The following ERC2 variants were observed in gnomAD, a reference collection of about 807,000 sequenced individuals.
ERC2 encodes ELKS/RAB6-interacting/CAST family member 2.
ERC2 carries 42 observed loss-of-function variants against 114.8 expected under a neutral mutation model. The observed-to-expected ratio is 0.37, with a 90% CI of 0.29 to 0.47. ERC2 has a LOEUF of 0.47. ERC2 is among the 20% of genes least tolerant of loss of function. The probability of loss-of-function intolerance (pLI) is 0.99; values close to 1 mark genes in which losing one functional copy is unlikely to be tolerated. For missense variants in ERC2, 939 were observed against 1,150.7 expected (o/e 0.82, Z 2.66); for synonymous variants, 454 against 425.5 (o/e 1.07, Z -0.82).
At chr3:56,112,460 CACACACAT>C (rs2079014976) in intron 6 of ERC2, among the ~76,000 whole-genome samples, 1 of 151,428 alleles carries the variant, frequency 6.6e-6, no homozygotes, top group Non-Finnish European at 1.5e-5. Context: ...CACACACACA[CACACACAT>C]TGGCACACAC....
At chr3:55,726,867 G>C (rs1426063283) in intron 15 of ERC2, among the ~76,000 whole-genome samples, 1 of 152,034 alleles carries the variant, frequency 6.6e-6, no homozygotes, top group Non-Finnish European at 1.5e-5. Flanking sequence ...GCCCAGAACT[G>C]GTAGGAAAAG....
intron 6 of ERC2, among the ~76,000 whole-genome samples, chr3:56,103,665 C>A (rs1487166811): frequency 6.6e-6 from 1 of 152,064 alleles, no homozygotes; most frequent in Non-Finnish European, 1.5e-5. Flanking sequence ...GTCTCCACAA[C>A]AAAGAATTAT....
chr3:56,191,821 A>C (rs1175303005), intron 3 of ERC2, among the ~76,000 whole-genome samples: 1 of 152,070 alleles, frequency 6.6e-6, no homozygotes, highest in Non-Finnish European at 1.5e-5. Context: ...CCCTTCAGTC[A>C]TGAACTCGGA....
At chr3:56,219,020 G>A (rs548812183) in intron 3 of ERC2, among the ~76,000 whole-genome samples, 3 of 152,104 alleles carry the variant, frequency 2.0e-5, no homozygotes, top group Non-Finnish European at 4.4e-5. Context: ...ATAGCATCAG[G>A]AGATATACCT....
chr3:56,288,931 A>G (rs2054901914), intron 3 of ERC2, among the ~76,000 whole-genome samples: 1 of 152,210 alleles, frequency 6.6e-6, no homozygotes, highest in African/African-American at 2.4e-5. Flanking sequence ...AGTAAATGAA[A>G]AGGCATGCCT....
At chr3:56,020,085 T>C (rs949883834) in intron 7 of ERC2, among the ~76,000 whole-genome samples, 1 of 152,086 alleles carries the variant, frequency 6.6e-6, no homozygotes, top group East Asian at 1.9e-4. Context: ...ATCCCAGTAG[T>C]AATGAGGAGG....
At chr3:55,661,093 C>T (rs1435822402) in intron 17 of ERC2, among the ~76,000 whole-genome samples, 1 of 152,180 alleles carries the variant, frequency 6.6e-6, no homozygotes, top group Non-Finnish European at 1.5e-5. Context: ...CTCGTCTGTG[C>T]ATTAGTTTTC....
intron 13 of ERC2, among the ~76,000 whole-genome samples, chr3:55,938,661 T>C (rs1172051134): frequency 1.3e-5 from 2 of 152,230 alleles, no homozygotes; most frequent in Non-Finnish European, 2.9e-5. Context: ...ATGTGCGGTT[T>C]TCTAATTTCT....
At chr3:56,460,964 C>CAAAAAAAAAAAAAA (rs35313545) in intron 1 of ERC2, among the ~76,000 whole-genome samples, 1 of 98,176 alleles carries the variant, frequency 1.0e-5, no homozygotes. Context: ...ACTAAAAATA[C>CAAAAAAAAAAAAAA]AAAAAAAAAA....
chr3:55,642,370 T>C (rs2060225378), intron 17 of ERC2, among the ~76,000 whole-genome samples: 1 of 149,084 alleles, frequency 6.7e-6, no homozygotes, highest in African/African-American at 2.5e-5. Context: ...AGTCTTGCTC[T>C]GTCGCCCAGG....
intron 4 of ERC2, among the ~76,000 whole-genome samples, chr3:56,167,161 T>C (rs1316450375): frequency 1.3e-5 from 2 of 152,162 alleles, no homozygotes; most frequent in Non-Finnish European, 2.9e-5. Flanking sequence ...TCTTCTTCTC[T>C]TATTTGATAT....
intron 14 of ERC2, among the ~76,000 whole-genome samples, chr3:55,804,322 C>A (rs1180862078): frequency 6.6e-6 from 1 of 152,038 alleles, no homozygotes; most frequent in East Asian, 1.9e-4. Flanking sequence ...TCCCATGTAC[C>A]CATTAAACAC....
At chr3:55,764,277 C>A (rs1370111679) in intron 14 of ERC2, among the ~76,000 whole-genome samples, 6 of 152,162 alleles carry the variant, frequency 3.9e-5, no homozygotes, top group Non-Finnish European at 7.4e-5. Flanking sequence ...AATTACTTGC[C>A]CCATTTTTAA....
intron 14 of ERC2, among the ~76,000 whole-genome samples, chr3:55,866,539 T>C (rs1265447448): frequency 2.0e-5 from 3 of 152,180 alleles, no homozygotes; most frequent in African/African-American, 7.2e-5. Context: ...CAGCTTTATA[T>C]AACCCAAGTT....
At chr3:56,158,169 T>G (rs2081841693) in intron 4 of ERC2, among the ~76,000 whole-genome samples, 1 of 152,158 alleles carries the variant, frequency 6.6e-6, no homozygotes, top group Non-Finnish European at 1.5e-5. Context: ...GCAGAATTTT[T>G]AAAGTAGGAC....
rs2063378648 is a variant in ERC2, at chr3:55,887,031, C to CATTTTG, written c.2564+1357_2564+1358insCAAAAT. 7.9e-5 allele frequency among the ~76,000 whole-genome samples: 12 copies of CATTTTG among 152,292 alleles called. 1 individual carries two copies. The South Asian group carries it at 2.5e-3, about 32-fold the overall frequency. Reference sequence around the variant, plus strand: ...CTTGTCTGCATAATGACTACAGTGACTCAAACAGACAAAAGTTCTAGTCTT... The same window carrying CATTTTG: ...CTTGTCTGCATAATGACTACAGTGACATTTTGTCAAACAGACAAAAGTTCTAGTCTT... On this transcript the variant is annotated intron_variant, in intron 14 of 17. Coordinates refer to ENST00000288221, the MANE Select transcript of ERC2 (RefSeq NM_015576.3).
intron 14 of ERC2, among the ~76,000 whole-genome samples, chr3:55,789,625 T>C (rs2069814998): frequency 6.6e-6 from 1 of 152,210 alleles, no homozygotes; most frequent in Non-Finnish European, 1.5e-5. Flanking sequence ...TAATGGCATT[T>C]TGTGGGGTTA....
At chr3:55,652,878 A>C (rs1345335308) in intron 17 of ERC2, among the ~76,000 whole-genome samples, 1 of 151,864 alleles carries the variant, frequency 6.6e-6, no homozygotes, top group African/African-American at 2.4e-5. Flanking sequence ...AAAAAAAAAA[A>C]AAAAACCAAT....
At chr3:56,364,621 G>C (rs1454070808) in intron 2 of ERC2, among the ~76,000 whole-genome samples, 1 of 152,200 alleles carries the variant, frequency 6.6e-6, no homozygotes, top group Admixed American at 6.5e-5. Context: ...AGATGCAGGG[G>C]ATCCTGTTTT....
Sources: allele counts gnomAD v4.1 joint callset (sites outside exome capture counted in the v4.1 genomes callset), GRCh38; gene constraint gnomAD v4.1.1; transcripts MANE v1.5; gene names NCBI Gene and HGNC (gene_info 2026-07-23, HGNC 2026-07-21).